ACAD10: variants seen among roughly 807,000 people sequenced by gnomAD.
The protein encoded by ACAD10 is acyl-CoA dehydrogenase family member 10.
ACAD10 carries 112 observed loss-of-function variants against 116.8 expected under a neutral mutation model. The ratio of observed to expected loss-of-function variants is 0.96; its 90% CI spans 0.82 to 1.12. ACAD10 has a LOEUF of 1.12. ACAD10 is among the 50% of genes most tolerant of loss of function. The pLI, the probability that ACAD10 is intolerant of heterozygous loss-of-function variation, is 0.00. For missense variants in ACAD10, 1,259 were observed against 1,350.2 expected (o/e 0.93, Z 1.06); for synonymous variants, 486 against 510.6 (o/e 0.95, Z 0.65).
chr12:111,716,245 A>G (rs1888844816), intron 7 of ACAD10, among the ~76,000 whole-genome samples: 1 of 151,896 alleles, frequency 6.6e-6, no homozygotes, highest in Non-Finnish European at 1.5e-5. Context: ...GCTGGCATGA[A>G]CCTGTAGTCA....
intron 4 of ACAD10, among the ~76,000 whole-genome samples, chr12:111,707,572 CA>C (rs1593022877): frequency 6.6e-6 from 1 of 152,176 alleles, no homozygotes; most frequent in Admixed American, 6.5e-5. Flanking sequence ...TGAGTCAGTG[CA>C]AAAGGGAACA....
At chr12:111,718,727 C>T (rs1158535313) in intron 7 of ACAD10, among the ~76,000 whole-genome samples, 5 of 152,154 alleles carry the variant, frequency 3.3e-5, no homozygotes, top group South Asian at 4.1e-4. Context: ...GATCCGCCTG[C>T]CTTGGCTTCC....
In ACAD10 at chr12:111,746,141, T is replaced by C; in HGVS notation, c.2116-3T>C. On this transcript the variant is annotated splice_polypyrimidine_tract_variant and splice_region_variant and intron_variant, in intron 13 of 20. Transcript: ENST00000313698. ...GTTTCCTGACTTATTTTCCCCATGATAGGAGAAAGCCAAAGCTGAAGGACT... is the reference window on the plus strand; with the variant it reads ...GTTTCCTGACTTATTTTCCCCATGACAGGAGAAAGCCAAAGCTGAAGGACT... 1 of 1,607,022 alleles carries C rather than the reference T, an allele frequency of 6.2e-7. No homozygotes were observed. Among genetic ancestry groups the C allele is most frequent in the Non-Finnish European group, 8.5e-7 (1 of 1,178,476 alleles).
At chr12:111,725,493 G>A (rs560824024) in intron 8 of ACAD10, among the ~76,000 whole-genome samples, 2 of 151,990 alleles carry the variant, frequency 1.3e-5, no homozygotes, top group South Asian at 4.2e-4. Flanking sequence ...CAGGCTGGAT[G>A]ATAGAGTGAG....
chr12:111,747,660 CT>C (rs1324123966), intron 16 of ACAD10: 2 of 1,252,246 alleles, frequency 1.6e-6, no homozygotes, highest in African/African-American at 3.0e-5. Flanking sequence ...AATCTCTCCA[CT>C]TCCTGCTGTT....
intron 18 of ACAD10, among the ~76,000 whole-genome samples, chr12:111,750,095 G>GTTTT (rs199931703): frequency 7.6e-6 from 1 of 132,238 alleles, no homozygotes; most frequent in Admixed American, 7.6e-5. Flanking sequence ...AGTTTTTTTT[G>GTTTT]TTTTTTTTTT....
chr12:111,747,627 C>G (rs1889951241), intron 16 of ACAD10: 4 of 1,330,720 alleles, frequency 3.0e-6, no homozygotes, highest in South Asian at 1.6e-5. Context: ...GGACGGATGC[C>G]TCCCTGCACA....
rs533102609 is a variant in ACAD10 at position 111,751,742 on chromosome 12, T to A, written c.2818-2030T>A. Among the ~76,000 whole-genome samples the A allele has an allele frequency of 1.8e-4, 27 of 148,708 alleles. No individual in the cohort carries two copies. The East Asian group carries it at 5.0e-3, about 28-fold the overall frequency. On this transcript the variant is annotated intron_variant, in intron 18 of 20. Coordinates refer to ENST00000313698, the MANE Select transcript of ACAD10 (RefSeq NM_025247.6). The stretch of plus-strand genomic sequence containing the variant: ...CAAGACTCCATCTCAAAAAAAAAAA[T>A]TAAAATTAAAAAATTAAAAATAGTA...
Position 111,692,733 on chromosome 12 carries a change from G to C in ACAD10, c.24G>C (p.Gln8His), listed in dbSNP as rs778600799. 1 of 1,614,078 alleles carries C rather than the reference G, an allele frequency of 6.2e-7. No homozygotes were observed. Among genetic ancestry groups the C allele is most frequent in the Non-Finnish European group, 8.5e-7 (1 of 1,180,002 alleles). MCVRSCF[Q>H]SPRLQWVWRT... ...CCATGTGTGTCAGGAGCTGTTTCCA[G>C]TCCCCCCGTCTCCAGTGGGTGTGGA... The change falls in exon 2 of 21, where the codon CAG becomes CAC. Residue 8 changes from glutamine (Q) to histidine (H), a missense_variant. Coordinates refer to ENST00000313698, the MANE Select transcript of ACAD10 (RefSeq NM_025247.6).
chr12:111,737,349 AT>A (rs1418517501), intron 12 of ACAD10, among the ~76,000 whole-genome samples: 4 of 150,848 alleles, frequency 2.7e-5, no homozygotes, highest in Non-Finnish European at 4.4e-5. Flanking sequence ...CGCCTGGCTA[AT>A]TTTTTTTTGT....
chr12:111,733,148 C>T (rs1381657138), intron 10 of ACAD10, among the ~76,000 whole-genome samples: 2 of 152,094 alleles, frequency 1.3e-5, no homozygotes, highest in East Asian at 1.9e-4. Context: ...AGTGTAGTGG[C>T]AATTCATAGG....
rs1224183363 is a variant in ACAD10 at position 111,745,043 on chromosome 12, G to C, written c.2115G>C (p.Lys705Asn). The change falls in exon 13 of 21, where the codon AAG (lysine) becomes AAC (asparagine). Residue 705 changes from lysine (K) to asparagine (N), a missense_variant and splice_region_variant. Transcript: ENST00000313698. Reference protein sequence around the residue: ...WSPSPLIEDLKEKAKAEGLWN... With the variant: ...WSPSPLIEDLNEKAKAEGLWN... Reference sequence around the variant, plus strand: ...CCTCCCCACTGATCGAAGACCTCAAGGTAAAGCAGCCATGGTGAGGTGGTA... The same window carrying C: ...CCTCCCCACTGATCGAAGACCTCAACGTAAAGCAGCCATGGTGAGGTGGTA... The C allele has an allele frequency of 6.2e-7, 1 of 1,610,772 alleles. No homozygotes were observed. Among genetic ancestry groups the C allele is most frequent in the Non-Finnish European group, 8.5e-7 (1 of 1,178,658 alleles).
chr12:111,712,640 T>C lies in ACAD10; in HGVS notation c.833T>C (p.Leu278Pro), dbSNP rs1375584957. Residue 278 changes from leucine (L) to proline (P), a missense_variant, in exon 6 of 21, where the codon CTG becomes CCG. By Grantham distance (98) the Leu-to-Pro change is moderately conservative. Coordinates refer to ENST00000313698, the MANE Select transcript of ACAD10 (RefSeq NM_025247.6). ...DSLQKYLKDL[L>P]GIQTTGPLEL... ...TTGCAGAAGTACCTCAAAGACTTAC[T>C]GGGTATCCAGACCACAGGTATGTGG... 3 of 1,614,000 alleles carry C rather than the reference T, an allele frequency of 1.9e-6. No individual in the cohort carries two copies. Among genetic ancestry groups the C allele is most frequent in the Admixed American group, 1.7e-5 (1 of 59,976 alleles).
At chr12:111,722,720 A>G (rs926655453) in intron 8 of ACAD10, among the ~76,000 whole-genome samples, 16 of 152,360 alleles carry the variant, frequency 1.1e-4, no homozygotes, top group African/African-American at 3.6e-4. Context: ...ACAGATCAAC[A>G]GGATCCCAAG....
At chr12:111,740,154 T>G (rs1889689695) in intron 12 of ACAD10, among the ~76,000 whole-genome samples, 1 of 152,090 alleles carries the variant, frequency 6.6e-6, no homozygotes, top group African/African-American at 2.4e-5. Context: ...TCTCTACTCC[T>G]GTGTGTCTTT....
chr12:111,716,350 G>C (rs1345767111), intron 7 of ACAD10, among the ~76,000 whole-genome samples: 1 of 152,140 alleles, frequency 6.6e-6, no homozygotes, highest in Admixed American at 6.6e-5. Flanking sequence ...CCACCTGGGA[G>C]ACATTGTGAA....
At chr12:111,748,236 T>C (rs937302359) in intron 16 of ACAD10, 81 bp from the exon 17 acceptor site, 1 of 1,561,304 alleles carries the variant, frequency 6.4e-7, no homozygotes. Context: ...ACTGTGCCTT[T>C]CTTGGGCCAG....
intron 11 of ACAD10, among the ~76,000 whole-genome samples, chr12:111,735,723 A>G (rs1320110337): frequency 6.6e-6 from 1 of 152,006 alleles, no homozygotes; most frequent in Non-Finnish European, 1.5e-5. Context: ...CCAAAGTGCT[A>G]GGATTACAGG....
intron 1 of ACAD10, among the ~76,000 whole-genome samples, chr12:111,692,193 C>T (rs1888066368): frequency 6.6e-6 from 1 of 152,162 alleles, no homozygotes; most frequent in African/African-American, 2.4e-5. Flanking sequence ...GTCTCGAACT[C>T]GCAACCTCAG....
Sources: gnomAD v4.1 joint callset for allele counts (sites outside exome capture counted in the v4.1 genomes callset) on GRCh38, gnomAD v4.1.1 for gene constraint, MANE v1.5 for transcripts, NCBI Gene and HGNC (gene_info 2026-07-23, HGNC 2026-07-21) for gene names.